DLG2: variants seen among roughly 807,000 people sequenced by gnomAD.
DLG2 encodes discs large MAGUK scaffold protein 2, also known as disks large homolog 2.
DLG2 carries 45 observed loss-of-function variants against 132.5 expected under a neutral mutation model. The observed-to-expected ratio is 0.34, with a 90% CI of 0.27 to 0.44. The LOEUF (loss-of-function observed/expected upper bound fraction) is 0.44. DLG2 is among the 20% of genes least tolerant of loss of function. The probability of loss-of-function intolerance (pLI) is 1.00; values close to 1 mark genes in which losing one functional copy is unlikely to be tolerated. For missense variants in DLG2, 1,045 were observed against 1,196.9 expected (o/e 0.87, Z 1.87); for synonymous variants, 424 against 419.6 (o/e 1.01, Z -0.13).
chr11:85,293,981 C>G (rs190940650), intron 3 of DLG2, among the ~76,000 whole-genome samples: 7 of 152,156 alleles, frequency 4.6e-5, no homozygotes, highest in African/African-American at 1.7e-4. Flanking sequence ...GTGGCTAATA[C>G]CTGTAATTCC....
At chr11:84,477,058 G>A (rs1404655663) in intron 7 of DLG2, among the ~76,000 whole-genome samples, 1 of 152,130 alleles carries the variant, frequency 6.6e-6, no homozygotes, top group East Asian at 1.9e-4. Context: ...CTAAAATCGT[G>A]CCTGAAATAT....
chr11:83,489,375 A>AT (rs1010928104), intron 21 of DLG2, among the ~76,000 whole-genome samples: 28 of 152,138 alleles, frequency 1.8e-4, no homozygotes, highest in Admixed American at 4.6e-4. Flanking sequence ...CAAGAAACCA[A>AT]TAAAAAATGG....
At chr11:84,956,270 C>T (rs2051650093) in intron 6 of DLG2, among the ~76,000 whole-genome samples, 1 of 152,080 alleles carries the variant, frequency 6.6e-6, no homozygotes, top group African/African-American at 2.4e-5. Context: ...TGTATGAAAG[C>T]TCAAAGAGAG....
intron 6 of DLG2, among the ~76,000 whole-genome samples, chr11:84,722,088 G>C (rs1314374776): frequency 6.6e-6 from 1 of 152,168 alleles, no homozygotes; most frequent in Non-Finnish European, 1.5e-5. Context: ...GTAGAGGAGA[G>C]TTTAGAAAAC....
chr11:84,952,132 C>G (rs971502539), intron 6 of DLG2, among the ~76,000 whole-genome samples: 10 of 152,218 alleles, frequency 6.6e-5, no homozygotes, highest in Non-Finnish European at 1.5e-5. Flanking sequence ...ATGCTTACTT[C>G]TTCCTGATTG....
rs80321902 is a variant in DLG2, at chr11:84,607,812, C to A, written c.358-73081G>T. ...TTGATTCAAGGTTGAAGTAAGGTAA[C>A]CTAATCTCTAATATGGTACCTGGCC... is the stretch of plus-strand genomic sequence containing the variant. On this transcript the variant is annotated intron_variant, in intron 6 of 27. Transcript: ENST00000376104. Among the ~76,000 whole-genome samples, 39 of 152,056 alleles carry A rather than the reference C, an allele frequency of 2.6e-4. 1 individual carries two copies. The East Asian group carries it at 7.5e-3, about 29-fold the overall frequency.
intron 6 of DLG2, among the ~76,000 whole-genome samples, chr11:84,808,459 T>A (rs1253673765): frequency 6.9e-6 from 1 of 144,850 alleles, no homozygotes; most frequent in East Asian, 2.2e-4. Context: ...AGGAAAGAAA[T>A]AACAAAGAGC....
At chr11:83,962,131 T>C (rs971289698) in intron 14 of DLG2, among the ~76,000 whole-genome samples, 8 of 152,160 alleles carry the variant, frequency 5.3e-5, no homozygotes, top group Admixed American at 3.9e-4. Context: ...AACCCATCTA[T>C]CATTCTTTAC....
rs181983633 is a variant in DLG2 at position 84,156,290 on chromosome 11, G to T, written c.624+7171C>A. 2.6e-5 allele frequency among the ~76,000 whole-genome samples: 4 copies of T among 152,162 alleles called. No individual in the cohort carries two copies. In the South Asian group the frequency reaches 8.3e-4, roughly 32 times the overall value. ...AGCTAAGTCAAGTCCATGTCTTTGC[G>T]TACTCTGAGTAATTTATACATTTTC... On this transcript the variant is annotated intron_variant, in intron 9 of 27. Coordinates refer to ENST00000376104, the MANE Select transcript of DLG2 (RefSeq NM_001142699.3).
chr11:83,679,039 G>T (rs1178780660), intron 18 of DLG2, among the ~76,000 whole-genome samples: 1 of 152,114 alleles, frequency 6.6e-6, no homozygotes, highest in East Asian at 1.9e-4. Flanking sequence ...TCCCAAAATG[G>T]AAGTGTGAAG....
intron 9 of DLG2, among the ~76,000 whole-genome samples, chr11:84,153,871 C>T (rs1244068093): frequency 6.6e-6 from 1 of 152,172 alleles, no homozygotes; most frequent in Non-Finnish European, 1.5e-5. Flanking sequence ...GAAGCTGTTG[C>T]AATTATTTGG....
intron 5 of DLG2, among the ~76,000 whole-genome samples, chr11:85,117,540 C>A (rs2073786784): frequency 6.7e-6 from 1 of 149,654 alleles, no homozygotes; most frequent in Non-Finnish European, 1.5e-5. Flanking sequence ...CTTTCCTTGT[C>A]TCCTTTTCTT....
chr11:83,916,832 G>A (rs981506366), intron 15 of DLG2, among the ~76,000 whole-genome samples: 16 of 152,120 alleles, frequency 1.1e-4, no homozygotes, highest in African/African-American at 3.9e-4. Flanking sequence ...GTGTTTAGCT[G>A]AAATTACAGG....
intron 6 of DLG2, among the ~76,000 whole-genome samples, chr11:85,100,315 C>A (rs2070669914): frequency 6.6e-6 from 1 of 151,964 alleles, no homozygotes; most frequent in African/African-American, 2.4e-5. Flanking sequence ...GAATTGAGCA[C>A]CTACTATGCA....
intron 21 of DLG2, among the ~76,000 whole-genome samples, chr11:83,503,069 T>C (rs1286420084): frequency 6.6e-6 from 1 of 151,832 alleles, no homozygotes; most frequent in Non-Finnish European, 1.5e-5. Flanking sequence ...CACAATTTAA[T>C]GACAGAGATT....
chr11:85,013,204 G>A (rs2059300634), intron 6 of DLG2, among the ~76,000 whole-genome samples: 1 of 152,134 alleles, frequency 6.6e-6, no homozygotes, highest in East Asian at 1.9e-4. Flanking sequence ...TTGTAGTATA[G>A]TAGCCTTTGT....
At chr11:83,787,096 A>G (rs954799732) in intron 17 of DLG2, among the ~76,000 whole-genome samples, 4 of 152,164 alleles carry the variant, frequency 2.6e-5, no homozygotes, top group African/African-American at 4.8e-5. Flanking sequence ...TAGGGTAAAT[A>G]GGGATAAATA....
At chr11:84,510,413 C>A (rs951832291) in intron 7 of DLG2, among the ~76,000 whole-genome samples, 1 of 151,832 alleles carries the variant, frequency 6.6e-6, no homozygotes, top group African/African-American at 2.4e-5. Flanking sequence ...TAAATGAAAG[C>A]GCCAGAAATT....
At position 84,686,630 on chromosome 11, in the gene DLG2, G is replaced by GTTT. The variant is rs60618412; in HGVS notation, c.358-151902_358-151900dup. 1.8e-3 allele frequency among the ~76,000 whole-genome samples: 200 copies of GTTT among 113,724 alleles called. 2 individuals carry two copies. Among genetic ancestry groups the GTTT allele is most frequent in the African/African-American group, 4.9e-3 (144 of 29,672 alleles). The allele number at this position is 113,724 out of a possible 152,430, so 74.6% of individuals were successfully genotyped here. On this transcript the variant is annotated intron_variant, in intron 6 of 27. Transcript: ENST00000376104. ...CCAAATTCTTTCAACTGGCCTTGAG[G>GTTT]TTTTTTTTTTTTTTTTTTTTTTATG... is the stretch of plus-strand genomic sequence containing the variant.
Sources: gnomAD v4.1 joint callset for allele counts (sites outside exome capture counted in the v4.1 genomes callset) on GRCh38, gnomAD v4.1.1 for gene constraint, MANE v1.5 for transcripts, NCBI Gene and HGNC (gene_info 2026-07-23, HGNC 2026-07-21) for gene names.